Variants in AQR observed in about 807,000 individuals in gnomAD.
AQR encodes aquarius intron-binding spliceosomal factor, also known as RNA helicase aquarius.
In AQR, 61 loss-of-function variants were observed where a neutral mutation model predicts 180.5. That is an observed-to-expected ratio of 0.34 (90% CI 0.28 to 0.42). The LOEUF (loss-of-function observed/expected upper bound fraction) is 0.42, where lower values mean the gene tolerates loss of function less well. AQR is among the 10% of genes least tolerant of loss of function. The probability of loss-of-function intolerance (pLI) is 1.00; values close to 1 mark genes in which losing one functional copy is unlikely to be tolerated. For synonymous variants in AQR, 551 were observed against 588.8 expected, an observed-to-expected ratio of 0.94 and a Z score of 0.93; for missense variants, 1,281 against 1,798.3, an observed-to-expected ratio of 0.71 and a Z score of 5.20.
intron 34 of AQR, among the ~76,000 whole-genome samples, chr15:34,858,320 C>CAA (rs57627687): frequency 0.011 from 935 of 85,926 alleles, 10 homozygotes; most frequent in African/African-American, 0.039. Flanking sequence ...ACGACAGCAG[C>CAA]AAAAAAAAAA....
At chr15:34,916,938 G>A (rs1893603355) in intron 15 of AQR, among the ~76,000 whole-genome samples, 1 of 150,380 alleles carries the variant, frequency 6.6e-6, no homozygotes, top group South Asian at 2.1e-4. Flanking sequence ...GAAGGTACCA[G>A]TAAAGTAAAA....
chr15:34,934,496 T>C (rs1893917124), intron 10 of AQR, 75 bp downstream of exon 10: 2 of 969,030 alleles, frequency 2.1e-6, no homozygotes, highest in Non-Finnish European at 2.9e-6. Flanking sequence ...AAAAAAATAC[T>C]TCATATATGG....
At chr15:34,873,085 T>C (rs1234906202) in intron 30 of AQR, among the ~76,000 whole-genome samples, 1 of 152,188 alleles carries the variant, frequency 6.6e-6, no homozygotes, top group Non-Finnish European at 1.5e-5. Context: ...TTAGTGGCTA[T>C]CTAGTATTTC....
chr15:34,907,001 A>G (rs1246611605), intron 17 of AQR, among the ~76,000 whole-genome samples: 1 of 152,190 alleles, frequency 6.6e-6, no homozygotes, highest in African/African-American at 2.4e-5. Context: ...CAGCTCCAAA[A>G]TTGGATGTTC....
Position 34,886,455 on chromosome 15 carries a change from G to T in AQR, c.2817+71C>A. 3 of 1,489,170 alleles carry T rather than the reference G, an allele frequency of 2.0e-6. 1 individual carries two copies. The South Asian group carries it at 4.1e-5, about 20-fold the overall frequency. 92.2% of individuals were successfully genotyped at this position (1,489,170 alleles called of 1,614,324 possible). A position where few individuals can be genotyped will look rare whatever the true frequency, so the allele number is the denominator to read the frequency against. On this transcript the variant is annotated intron_variant, in intron 25 of 34. Coordinates refer to ENST00000156471, the MANE Select transcript of AQR (RefSeq NM_014691.3). ...AATAAGCTTTCATGAAGGATCACAA[G>T]AACTCATTCCAGCTTCCAACTGGGG... is the stretch of plus-strand genomic sequence containing the variant.
intron 9 of AQR, among the ~76,000 whole-genome samples, chr15:34,937,199 G>A (rs1256419710): frequency 1.3e-5 from 2 of 151,976 alleles, no homozygotes; most frequent in African/African-American, 4.8e-5. Context: ...CACTGCGCCT[G>A]GCTAATTTTT....
chr15:34,856,931 C>T lies in AQR; in HGVS notation c.4319G>A (p.Ser1440Asn). 1 of 1,614,072 alleles carries T rather than the reference C, an allele frequency of 6.2e-7. No individual in the cohort carries two copies. Among genetic ancestry groups the T allele is most frequent in the Non-Finnish European group, 8.5e-7 (1 of 1,179,988 alleles). ...TGGAGTGGAAGTGGCTCCTGTCTCA[C>T]TGGGGGTGGTGTCAGTTTGAAAGGC... ...TPAFQTDTTP[S>N]ETGATSTPEA... Residue 1440 changes from serine (S) to asparagine (N), a missense_variant, in exon 35 of 35, where the codon AGT becomes AAT. Physicochemically the swap from Ser to Asn is conservative, Grantham distance 46. This residue lies in a region of AQR where 182 missense variants were observed against 185.3 expected (regional missense o/e 0.98). Transcript: ENST00000156471.
At chr15:34,869,388 C>A (rs1482916406) in intron 31 of AQR, 4 of 152,078 alleles carry the variant, frequency 2.6e-5, no homozygotes, top group African/African-American at 9.7e-5. Flanking sequence ...TATAGGAGTT[C>A]ATATATTCTG....
intron 18 of AQR, among the ~76,000 whole-genome samples, chr15:34,906,042 A>G (rs910470473): frequency 3.3e-5 from 5 of 151,648 alleles, no homozygotes; most frequent in Non-Finnish European, 5.9e-5. Flanking sequence ...TTGGGGGGAA[A>G]AAAAGAAAAA....
At chr15:34,871,025 C>T (rs944925347) in intron 30 of AQR, 103 bp from the exon 31 acceptor site, 1 of 1,105,828 alleles carries the variant, frequency 9.0e-7, no homozygotes, top group Non-Finnish European at 1.3e-6. Flanking sequence ...ACTTTGCACA[C>T]TGCAAGAAGT....
intron 18 of AQR, among the ~76,000 whole-genome samples, chr15:34,905,001 G>T (rs1325021591): frequency 6.8e-6 from 1 of 146,158 alleles, no homozygotes; most frequent in Non-Finnish European, 1.5e-5. Context: ...AGTATAACCA[G>T]CATGAAAAGA....
chr15:34,897,073 C>G (rs911259619), intron 21 of AQR, 107 bp from the exon 22 acceptor site: 7 of 807,264 alleles, frequency 8.7e-6, no homozygotes, highest in Non-Finnish European at 1.4e-5. Context: ...TGTATTTACC[C>G]CAGTTCTCTC....
chr15:34,949,657 A>C (rs958086571), intron 4 of AQR, among the ~76,000 whole-genome samples: 1 of 149,964 alleles, frequency 6.7e-6, no homozygotes, highest in African/African-American at 2.5e-5. Context: ...GACAAACATC[A>C]GTTCTAAAAC....
chr15:34,966,869 CTTTTTTTTTTTTT>C (rs148912380), intron 1 of AQR, among the ~76,000 whole-genome samples: 2 of 67,036 alleles, frequency 3.0e-5, no homozygotes, highest in Admixed American at 3.9e-4. Context: ...CCACCCTGGC[CTTTTTTTTTTTTT>C]TTTTTTTTTT....
chr15:34,930,721 G>C (rs1008499359), intron 11 of AQR, among the ~76,000 whole-genome samples: 1 of 150,812 alleles, frequency 6.6e-6, no homozygotes, highest in Non-Finnish European at 1.5e-5. Context: ...CTACATCACT[G>C]AAAACTTACA....
intron 15 of AQR, among the ~76,000 whole-genome samples, chr15:34,917,836 A>AG (rs1213215483): frequency 1.3e-5 from 2 of 150,126 alleles, no homozygotes; most frequent in Non-Finnish European, 3.0e-5. Context: ...AAAAAAAAAA[A>AG]AGCTGGGTGT....
chr15:34,901,390 GA>G (rs1893329383), intron 19 of AQR, among the ~76,000 whole-genome samples: 1 of 151,784 alleles, frequency 6.6e-6, no homozygotes, highest in Non-Finnish European at 1.5e-5. Flanking sequence ...ATAAAAAAGC[GA>G]ACAAAATGAT....
intron 31 of AQR, chr15:34,869,784 T>C (rs1157747317): frequency 6.6e-6 from 1 of 152,204 alleles, no homozygotes; most frequent in Admixed American, 6.5e-5. Flanking sequence ...TTCATCTCTT[T>C]CTGAGTTCTT....
rs1893664241 is a variant in AQR at position 34,920,313 on chromosome 15, A to G, written c.1221+19T>C. The stretch of plus-strand genomic sequence containing the variant: ...GCAAGGAAAACCACATGCAAAATTC[A>G]GAGAACATTAATATTTACCAGCAAT... On this transcript the variant is annotated intron_variant, in intron 14 of 34. Transcript: ENST00000156471. The G allele has an allele frequency of 6.4e-7, 1 of 1,556,894 alleles. No homozygotes were observed. The highest frequency in any genetic ancestry group is 1.1e-5 in the South Asian group (1 of 88,512).
Sources: gnomAD v4.1 joint callset for allele counts (sites outside exome capture counted in the v4.1 genomes callset) on GRCh38, gnomAD v4.1.1 for gene constraint, gnomAD v4.1.1 regional missense constraint, MANE v1.5 for transcripts, NCBI Gene and HGNC (gene_info 2026-07-23, HGNC 2026-07-21) for gene names.